The following CDC20 variants were observed in gnomAD, a reference collection of about 807,000 sequenced individuals.
CDC20 encodes cell division cycle protein 20 homolog.
A neutral mutation model predicts 60.0 loss-of-function variants in CDC20; 34 were observed. The ratio of observed to expected loss-of-function variants is 0.57; its 90% CI spans 0.43 to 0.75. The LOEUF (loss-of-function observed/expected upper bound fraction) is 0.75, where lower values mean the gene tolerates loss of function less well. CDC20 is among the 30% of genes least tolerant of loss of function. The pLI is 0.00. For missense variants in CDC20, 469 were observed against 647.3 expected, an observed-to-expected ratio of 0.72 and a Z score of 2.99; for synonymous variants, 198 against 243.5, an observed-to-expected ratio of 0.81 and a Z score of 1.74.
chr1:43,358,996 C>T lies in CDC20; in HGVS notation c.-60C>T. 1 of 604,388 alleles carries T rather than the reference C, an allele frequency of 1.7e-6. No individual in the cohort carries two copies. Among genetic ancestry groups the T allele is most frequent in the Non-Finnish European group, 2.9e-6 (1 of 340,320 alleles). The allele number at this position is 604,388 out of a possible 1,614,324, so 37.4% of individuals were successfully genotyped here. A position where few individuals can be genotyped will look rare whatever the true frequency, so the allele number is the denominator to read the frequency against. On this transcript the variant is annotated 5_prime_UTR_variant, in exon 1 of 11. Transcript: ENST00000310955. The stretch of plus-strand genomic sequence containing the variant: ...GTGTTAAAGCCGGTCGGAACTGCTC[C>T]GGAGGGCACGGTGAGAGGTGGTGGG...
intron 10 of CDC20, among the ~76,000 whole-genome samples, chr1:43,362,525 A>T (rs1647177250): frequency 6.6e-6 from 1 of 152,230 alleles, no homozygotes; most frequent in Non-Finnish European, 1.5e-5. Flanking sequence ...CTTTAAAAGG[A>T]TGCATTTTAT....
In CDC20 at chr1:43,359,411, A is replaced by T. The variant is rs762381124; in HGVS notation, c.181+15A>T. On this transcript the variant is annotated intron_variant, in intron 2 of 10. Coordinates refer to ENST00000310955, the MANE Select transcript of CDC20 (RefSeq NM_001255.3). ...CCGAACTCCTGGTCAGTGAGGTGCC[A>T]AAGGAACTGAGTGAGAGCAGCCTTC... 2 of 1,612,776 alleles carry T rather than the reference A, an allele frequency of 1.2e-6. No homozygotes were observed. The highest frequency in any genetic ancestry group is 2.2e-5 in the South Asian group (2 of 91,012).
rs971164025 is a variant in CDC20 at position 43,363,203 on chromosome 1, A to G, written c.*74A>G. On this transcript the variant is annotated 3_prime_UTR_variant, in exon 11 of 11. Coordinates refer to ENST00000310955, the MANE Select transcript of CDC20 (RefSeq NM_001255.3). Reference sequence around the variant, plus strand: ...GTCTCCCTTCATGTTTTTTTTTTAAATCTGTTTCAGCTAATGCCTTTCTTC... The same window carrying G: ...GTCTCCCTTCATGTTTTTTTTTTAAGTCTGTTTCAGCTAATGCCTTTCTTC... 1 of 1,450,900 alleles carries G rather than the reference A, an allele frequency of 6.9e-7. No individual in the cohort carries two copies. Among genetic ancestry groups the G allele is most frequent in the African/African-American group, 1.4e-5 (1 of 70,074 alleles). 89.9% of individuals were successfully genotyped at this position (1,450,900 alleles called of 1,614,324 possible). A position where few individuals can be genotyped will look rare whatever the true frequency, so the allele number is the denominator to read the frequency against.
chr1:43,362,477 C>A (rs904947343), intron 10 of CDC20, among the ~76,000 whole-genome samples, 165 bp downstream of exon 10: 1 of 152,088 alleles, frequency 6.6e-6, no homozygotes, highest in Non-Finnish European at 1.5e-5. Context: ...AACAGTTGTA[C>A]AATTTTGTGA....
At chr1:43,359,432 C>G in intron 2 of CDC20, 36 bp downstream of exon 2, 1 of 1,612,952 alleles carries the variant, frequency 6.2e-7, no homozygotes, top group Non-Finnish European at 8.5e-7. Flanking sequence ...GTGAGAGCAG[C>G]CTTCATACTT....
Position 43,361,208 on chromosome 1 carries a change from CTG to C in CDC20, c.1167_1168del (p.Ala391LeufsTer47), listed in dbSNP as rs1269397601. 1 of 1,612,672 alleles carries C rather than the reference CTG, an allele frequency of 6.2e-7. No homozygotes were observed. The highest frequency in any genetic ancestry group is 8.5e-7 in the Non-Finnish European group (1 of 1,179,312). On this transcript the variant is annotated frameshift_variant, in exon 9 of 11. Coordinates refer to ENST00000310955, the MANE Select transcript of CDC20 (RefSeq NM_001255.3). LOFTEE classifies it high-confidence loss of function. Reference sequence around the variant, plus strand: ...CACATTCGCATCTGGAATGTGTGCTCTGGGGCCTGTCTGAGTGCCGTGGATGC... The same window carrying C: ...CACATTCGCATCTGGAATGTGTGCTCGGGCCTGTCTGAGTGCCGTGGATGC...
At chr1:43,360,696 C>G in intron 7 of CDC20, 37 bp from the exon 8 acceptor site, 1 of 1,591,524 alleles carries the variant, frequency 6.3e-7, no homozygotes, top group Non-Finnish European at 8.6e-7. Flanking sequence ...GCATTTGGTG[C>G]TGCCACAGAA....
chr1:43,361,868 C>T (rs1242282201), intron 9 of CDC20, among the ~76,000 whole-genome samples: 1 of 152,190 alleles, frequency 6.6e-6, no homozygotes, highest in Admixed American at 6.5e-5. Context: ...GCCAGATGGC[C>T]CAAGTTAAAA....
chr1:43,362,206 C>T lies in CDC20; in HGVS notation c.1215C>T (p.Ile405=), dbSNP rs776415600. ...GCTCCTCTCCACAGGTGTGCTCCAT[C>T]CTCTGGTCTCCCCATTACAAGGAGC... ...AVDAHSQVCS[I]LWSPHYKELI... is the part of the protein sequence containing the mutation. Residue 405 remains isoleucine (I), a synonymous_variant, in exon 10 of 11, where the codon ATC becomes ATT. Coordinates refer to ENST00000310955, the MANE Select transcript of CDC20 (RefSeq NM_001255.3). 1 of 1,606,844 alleles carries T rather than the reference C, an allele frequency of 6.2e-7. No homozygotes were observed. The highest frequency in any genetic ancestry group is 1.1e-5 in the South Asian group (1 of 90,964).
Position 43,360,233 on chromosome 1 carries a change from C to T in CDC20, c.597C>T (p.Ala199=), listed in dbSNP as rs756975924. The change falls in exon 6 of 11, where the codon GCC becomes GCT. Residue 199 remains alanine (A), a synonymous_variant. Transcript: ENST00000310955. ...LVDWSSGNVL[A]VALDNSVYLW... ...ATTGGAGTTCTGGGAATGTACTGGC[C>T]GTGGCACTGGACAACAGTGTGTACC... is the stretch of plus-strand genomic sequence containing the variant. 33 of 1,614,060 alleles carry T rather than the reference C, an allele frequency of 2.0e-5. No individual in the cohort carries two copies. The highest frequency in any genetic ancestry group is 2.4e-5 in the Non-Finnish European group (28 of 1,180,046).
Position 43,360,811 on chromosome 1 carries a change from C to G in CDC20, c.927C>G (p.Ser309Arg). The G allele has an allele frequency of 6.2e-7, 1 of 1,613,992 alleles. No individual in the cohort carries two copies. Among genetic ancestry groups the G allele is most frequent in the Non-Finnish European group, 8.5e-7 (1 of 1,179,872 alleles). The change falls in exon 8 of 11, where the codon AGC (serine) becomes AGG (arginine). Residue 309 changes from serine to arginine, a missense_variant. Around this residue, in one of 5 missense-constraint regions of CDC20, gnomAD observed 255 missense variants for 326.7 expected, o/e 0.78. Transcript: ENST00000310955. Reference sequence around the variant, plus strand: ...ATGTGGCCACACTGAGTGGCCACAGCCAGGAAGTGTGTGGGCTGCGCTGGG... The same window carrying G: ...ATGTGGCCACACTGAGTGGCCACAGGCAGGAAGTGTGTGGGCTGCGCTGGG... The part of the protein sequence containing the change: ...EHHVATLSGH[S>R]QEVCGLRWAP...
At chr1:43,361,289 C>A in intron 9 of CDC20, 44 bp downstream of exon 9, 2 of 1,510,620 alleles carry the variant, frequency 1.3e-6, no homozygotes. Context: ...GCATTCTTAC[C>A]GGGCAACTAC....
intron 7 of CDC20, 34 bp from the exon 8 acceptor site, chr1:43,360,699 C>T: frequency 6.3e-7 from 1 of 1,591,202 alleles, no homozygotes; most frequent in African/African-American, 1.3e-5. Flanking sequence ...TTTGGTGCTG[C>T]CACAGAACCT....
Position 43,359,151 on chromosome 1 carries a change from GCCT to G in CDC20, c.-49-12_-49-10del. 6.4e-7 allele frequency: 1 copy of G among 1,550,672 alleles called. No homozygotes were observed. Among genetic ancestry groups the G allele is most frequent in the Non-Finnish European group, 8.9e-7 (1 of 1,125,608 alleles). ...CCCTTTCTGTCCCCTGAGCACCGTC[GCCT>G]CCTTTCCTCCAGGGCTCCGTAGGCA... On this transcript the variant is annotated splice_polypyrimidine_tract_variant and intron_variant, in intron 1 of 10. Transcript: ENST00000310955.
chr1:43,363,085 G>A lies in CDC20; in HGVS notation c.1456G>A (p.Ala486Thr), dbSNP rs1647180947. 1 of 1,613,262 alleles carries A rather than the reference G, an allele frequency of 6.2e-7. No individual in the cohort carries two copies. The highest frequency in any genetic ancestry group is 1.7e-5 in the Admixed American group (1 of 59,786). ...TGCGCGGCGGCGGGAGCGGGAGAAG[G>A]CCAGTGCAGCCAAAAGCAGCCTCAT... ...DPARRREREKASAAKSSLIHQ... is the reference protein window; with the variant it reads ...DPARRREREKTSAAKSSLIHQ... Residue 486 changes from alanine (A) to threonine (T), a missense_variant, in exon 11 of 11, where the codon GCC becomes ACC. Around this residue, in one of 5 missense-constraint regions of CDC20, gnomAD observed 72 missense variants for 77.9 expected, o/e 0.92. Transcript: ENST00000310955.
rs112630800 is a variant in CDC20 at position 43,360,770 on chromosome 1, C to G, written c.886C>G (p.Arg296Gly). ...TGGCCACATCCACCACCATGATGTT[C>G]GGGTAGCAGAACACCATGTGGCCAC... ...RSGHIHHHDV[R>G]VAEHHVATLS... The change falls in exon 8 of 11, where the codon CGG (arginine) becomes GGG (glycine). Residue 296 changes from arginine to glycine, a missense_variant. Transcript: ENST00000310955. The G allele has an allele frequency of 6.2e-7, 1 of 1,614,060 alleles. No homozygotes were observed. Among genetic ancestry groups the G allele is most frequent in the Non-Finnish European group, 8.5e-7 (1 of 1,179,938 alleles).
At chr1:43,362,783 T>C (rs557241114) in intron 10 of CDC20, among the ~76,000 whole-genome samples, 168 bp from the exon 11 acceptor site, 1 of 152,290 alleles carries the variant, frequency 6.6e-6, no homozygotes, top group African/African-American at 2.4e-5. Context: ...GAAAATGGCA[T>C]GAACCCAGGA....
At chr1:43,360,126 C>G in intron 5 of CDC20, 29 bp downstream of exon 5, 1 of 1,614,162 alleles carries the variant, frequency 6.2e-7, no homozygotes, top group South Asian at 1.1e-5. Context: ...TCGCCTCATG[C>G]ATGGAGAAAG....
chr1:43,360,913 T>C lies in CDC20; in HGVS notation c.1029T>C (p.Gly343=), dbSNP rs373135328. Residue 343 remains glycine (G), a synonymous_variant, in exon 8 of 11, where the codon GGT becomes GGC. Transcript: ENST00000310955. ...TGTGGCCTAGTGCTCCTGGAGAGGGTGGCTGGGTTCCTCTGCAGACATTCA... is the reference window on the plus strand; with the variant it reads ...TGTGGCCTAGTGCTCCTGGAGAGGGCGGCTGGGTTCCTCTGCAGACATTCA... The part of the protein sequence containing the change: ...VNVWPSAPGE[G]GWVPLQTFTQ... 6.2e-7 allele frequency: 1 copy of C among 1,614,032 alleles called. No homozygotes were observed. Among genetic ancestry groups the C allele is most frequent in the Non-Finnish European group, 8.5e-7 (1 of 1,179,994 alleles).
Sources: allele counts gnomAD v4.1 joint callset (sites outside exome capture counted in the v4.1 genomes callset), GRCh38; gene constraint gnomAD v4.1.1; regional missense constraint gnomAD v4.1.1; transcripts MANE v1.5; gene names NCBI Gene and HGNC (gene_info 2026-07-23, HGNC 2026-07-21).